Variants in DPYSL2 observed in about 807,000 individuals in gnomAD.
DPYSL2 encodes the protein dihydropyrimidinase like 2.
Under a neutral mutation model 69.9 loss-of-function variants are expected in DPYSL2, and 13 were observed. The observed-to-expected ratio is 0.19, with a 90% CI of 0.12 to 0.30. The LOEUF is 0.30. Among genes scored for constraint, DPYSL2 ranks in the 10% least tolerant of loss-of-function variants. DPYSL2 has a pLI of 1.00. For missense variants in DPYSL2, 587 were observed against 918.9 expected (o/e 0.64, Z 4.67); for synonymous variants, 326 against 359.1 (o/e 0.91, Z 1.04).
In DPYSL2 at chr8:26,514,799, C is replaced by A; in HGVS notation, c.354+120C>A. On this transcript the variant is annotated intron_variant, in intron 1 of 13. Coordinates refer to ENST00000521913, the MANE Select transcript of DPYSL2 (RefSeq NM_001197293.3). The surrounding 1 kb of genome is among the most constrained non-coding windows in gnomAD (Gnocchi z 8.4). ...CCCTGGACCTCGCCTCCCGCATCTGCACGCGCACCCCGCCCTACCCGCCCC... is the reference window on the plus strand; with the variant it reads ...CCCTGGACCTCGCCTCCCGCATCTGAACGCGCACCCCGCCCTACCCGCCCC... 1 of 904,538 alleles carries A rather than the reference C, an allele frequency of 1.1e-6. No homozygotes were observed. Among genetic ancestry groups the A allele is most frequent in the Non-Finnish European group, 1.5e-6 (1 of 653,266 alleles). The allele number at this position is 904,538 out of a possible 1,614,324, so 56.0% of individuals were successfully genotyped here.
rs577291649 is a variant in DPYSL2, at chr8:26,571,082, T to G, written c.355-10887T>G. Among the ~76,000 whole-genome samples, 5 of 152,332 alleles carry G rather than the reference T, an allele frequency of 3.3e-5. No homozygotes were observed. In the East Asian group the frequency reaches 9.6e-4, roughly 29 times the overall value. On this transcript the variant is annotated intron_variant, in intron 1 of 13. Coordinates refer to ENST00000521913, the MANE Select transcript of DPYSL2 (RefSeq NM_001197293.3). This position sits in a 1 kb window ranked among gnomAD's most constrained non-coding sequence, Gnocchi z 6.1. ...TACCACTCTTTCATAATGTTCCCCC[T>G]GGACAAAGAGCAGACCAGTGATGCC...
rs113220440 is a variant in DPYSL2 at position 26,597,726 on chromosome 8, G to A, written c.628+13743G>A. Among the ~76,000 whole-genome samples the A allele has an allele frequency of 0.015, 2,331 of 151,118 alleles. 28 individuals are homozygous for A. Among genetic ancestry groups the A allele is most frequent in the Middle Eastern group, 0.07 (20 of 286 alleles). On this transcript the variant is annotated intron_variant, in intron 3 of 13. Coordinates refer to ENST00000521913, the MANE Select transcript of DPYSL2 (RefSeq NM_001197293.3). The surrounding 1 kb of genome is among the most constrained non-coding windows in gnomAD (Gnocchi z 5.2). ...CCTGACCTTGTGATCCACCCGCCTC[G>A]GCCTCCCAAAGTGCTGGGATTACAG...
rs1017213931 is a variant in DPYSL2 at position 26,653,307 on chromosome 8, G to A, written c.1852G>A (p.Val618Ile). ...VCEVSVTPKT[V>I]TPASSAKTSP... The stretch of plus-strand genomic sequence containing the variant: ...TGAAGTGTCTGTGACGCCCAAGACA[G>A]TCACTCCAGCCTCCTCGGCCAAGAC... The change falls in exon 13 of 14, where the codon GTC (valine) becomes ATC (isoleucine). Residue 618 changes from valine to isoleucine, a missense_variant. Val to Ile is a conservative substitution (Grantham distance 29). Around this residue, in one of 3 missense-constraint regions of DPYSL2, gnomAD observed 452 missense variants for 754.3 expected, o/e 0.60. Transcript: ENST00000521913. This position sits in a 1 kb window ranked among gnomAD's most constrained non-coding sequence, Gnocchi z 5.7. The A allele has an allele frequency of 2.4e-5, 39 of 1,614,160 alleles. No individual in the cohort carries two copies. The highest frequency in any genetic ancestry group is 1.6e-4 in the Middle Eastern group (1 of 6,062).
rs1196659587 is a variant in DPYSL2 at position 26,642,168 on chromosome 8, T to C, written c.1127-1271T>C. ...ATAACATATTAGACCATTTAATCAA[T>C]TTAACACACGTTTTTGGAGTGCCTA... On this transcript the variant is annotated intron_variant, in intron 8 of 13. Transcript: ENST00000521913. The surrounding 1 kb of genome is among the most constrained non-coding windows in gnomAD (Gnocchi z 5.3). Among the ~76,000 whole-genome samples, 2 of 152,204 alleles carry C rather than the reference T, an allele frequency of 1.3e-5. No homozygotes were observed. The highest frequency in any genetic ancestry group is 4.8e-5 in the African/African-American group (2 of 41,446).
intron 1 of DPYSL2, among the ~76,000 whole-genome samples, chr8:26,557,378 G>A (rs1204723999): frequency 6.6e-6 from 1 of 151,956 alleles, no homozygotes; most frequent in East Asian, 1.9e-4. Flanking sequence ...CAATAGAAAA[G>A]TGGGCCAAAG....
chr8:26,646,007 A>G (rs1404522016), intron 10 of DPYSL2, among the ~76,000 whole-genome samples: 2 of 152,078 alleles, frequency 1.3e-5, no homozygotes, highest in Non-Finnish European at 2.9e-5. Context: ...CTGGGATTAC[A>G]GGTGCCTGCC....
chr8:26,627,997 C>T lies in DPYSL2; in HGVS notation c.1005+57C>T. The T allele has an allele frequency of 6.5e-7, 1 of 1,539,422 alleles. No homozygotes were observed. Among genetic ancestry groups the T allele is most frequent in the South Asian group, 1.2e-5 (1 of 85,978 alleles). Reference sequence around the variant, plus strand: ...AGTGTCCCTTGGGCACTGTGCAGAGCCTCAGGGAACCTGCTTCCTGCCTGT... The same window carrying T: ...AGTGTCCCTTGGGCACTGTGCAGAGTCTCAGGGAACCTGCTTCCTGCCTGT... On this transcript the variant is annotated intron_variant, in intron 7 of 13. Coordinates refer to ENST00000521913, the MANE Select transcript of DPYSL2 (RefSeq NM_001197293.3). This position sits in a 1 kb window ranked among gnomAD's most constrained non-coding sequence, Gnocchi z 6.9.
In DPYSL2 at chr8:26,634,428, C is replaced by CTTTTTTT. The variant is rs55746168; in HGVS notation, c.1006-337_1006-331dup. On this transcript the variant is annotated intron_variant, in intron 7 of 13. Coordinates refer to ENST00000521913, the MANE Select transcript of DPYSL2 (RefSeq NM_001197293.3). ...TACAGTCACCTGCTGCCATGCCCAG[C>CTTTTTTT]TTTTTTTTTTTTTTTTTTTTTAATT... 1.3e-4 allele frequency among the ~76,000 whole-genome samples: 12 copies of CTTTTTTT among 91,162 alleles called. 2 individuals carry two copies. Among genetic ancestry groups the CTTTTTTT allele is most frequent in the Non-Finnish European group, 1.7e-4 (8 of 47,344 alleles). 59.8% of individuals were successfully genotyped at this position (91,162 alleles called of 152,430 possible).
intron 1 of DPYSL2, chr8:26,548,281 A>G (rs1016985511): frequency 4.6e-6 from 1 of 219,506 alleles, no homozygotes; most frequent in South Asian, 6.9e-5. Flanking sequence ...TGAGGCACCT[A>G]TGGGGAGATC....
rs980408992 is a variant in DPYSL2, at chr8:26,647,349, A to G, written c.1426-281A>G. ...GCAGGTCTAGTCCAGCATTTCAGAG[A>G]CCAACCTCTTGCTGCTCCTCCCCTC... On this transcript the variant is annotated intron_variant, in intron 10 of 13. Transcript: ENST00000521913. This position sits in a 1 kb window ranked among gnomAD's most constrained non-coding sequence, Gnocchi z 5.1. Among the ~76,000 whole-genome samples, 2 of 152,150 alleles carry G rather than the reference A, an allele frequency of 1.3e-5. No homozygotes were observed. Among genetic ancestry groups the G allele is most frequent in the African/African-American group, 2.4e-5 (1 of 41,428 alleles).
rs1220492593 is a variant in DPYSL2 at position 26,627,160 on chromosome 8, G to T, written c.856-55G>T. 2 of 1,527,110 alleles carry T rather than the reference G, an allele frequency of 1.3e-6. No individual in the cohort carries two copies. Among genetic ancestry groups the T allele is most frequent in the Non-Finnish European group, 1.8e-6 (2 of 1,101,616 alleles). 94.6% of individuals were successfully genotyped at this position (1,527,110 alleles called of 1,614,324 possible). A position where few individuals can be genotyped will look rare whatever the true frequency, so the allele number is the denominator to read the frequency against. On this transcript the variant is annotated intron_variant, in intron 5 of 13. Coordinates refer to ENST00000521913, the MANE Select transcript of DPYSL2 (RefSeq NM_001197293.3). This position sits in a 1 kb window ranked among gnomAD's most constrained non-coding sequence, Gnocchi z 6.9. ...CTCTGGTGGGGAGATGATTGTCTTT[G>T]TGAACAGGAAGATGGAAGTCCCTGT...
rs1800544197 is a variant in DPYSL2 at position 26,533,542 on chromosome 8, T to A, written c.354+18863T>A. On this transcript the variant is annotated intron_variant, in intron 1 of 13. Transcript: ENST00000521913. The surrounding 1 kb of genome is among the most constrained non-coding windows in gnomAD (Gnocchi z 4.8). ...GATCCATTTTGAGTTAATTTTTCTATGTGGTATGAGACAGGGGTCTAACTT... is the reference window on the plus strand; with the variant it reads ...GATCCATTTTGAGTTAATTTTTCTAAGTGGTATGAGACAGGGGTCTAACTT... 6.6e-6 allele frequency among the ~76,000 whole-genome samples: 1 copy of A among 152,234 alleles called. No homozygotes were observed. Among genetic ancestry groups the A allele is most frequent in the South Asian group, 2.1e-4 (1 of 4,830 alleles).
At position 26,647,591 on chromosome 8, in the gene DPYSL2, C is replaced by T. The variant is rs980523866; in HGVS notation, c.1426-39C>T. On this transcript the variant is annotated intron_variant, in intron 10 of 13. Transcript: ENST00000521913. This position sits in a 1 kb window ranked among gnomAD's most constrained non-coding sequence, Gnocchi z 5.1. ...AAAGTAACTTTTTAACTCGTTTCTG[C>T]TGTGTGCCTCCTGTGCACACCTATG... is the stretch of plus-strand genomic sequence containing the variant. 1.3e-6 allele frequency: 2 copies of T among 1,557,822 alleles called. No homozygotes were observed. The highest frequency in any genetic ancestry group is 2.0e-5 in the Admixed American group (1 of 49,780).
At position 26,591,031 on chromosome 8, in the gene DPYSL2, C is replaced by G. The variant is rs1235495543; in HGVS notation, c.628+7048C>G. ...ATACTGTCCCAGGGTTTCTTGCCCC[C>G]ACCTGGCCCTGGGAGCTGGCAGTTA... On this transcript the variant is annotated intron_variant, in intron 3 of 13. Coordinates refer to ENST00000521913, the MANE Select transcript of DPYSL2 (RefSeq NM_001197293.3). This position sits in a 1 kb window ranked among gnomAD's most constrained non-coding sequence, Gnocchi z 5.8. 2.0e-5 allele frequency among the ~76,000 whole-genome samples: 3 copies of G among 152,208 alleles called. No individual in the cohort carries two copies. The highest frequency in any genetic ancestry group is 4.4e-5 in the Non-Finnish European group (3 of 68,042).
chr8:26,537,633 C>CACACACACACACACACACA (rs767431643), intron 1 of DPYSL2, among the ~76,000 whole-genome samples: 1 of 151,830 alleles, frequency 6.6e-6, no homozygotes, highest in Admixed American at 6.6e-5. Context: ...CACACACACA[C>CACACACACACACACACACA]AACTGTATAT....
Position 26,602,923 on chromosome 8 carries a change from C to T in DPYSL2, c.628+18940C>T, listed in dbSNP as rs1011373437. 1.2e-4 allele frequency among the ~76,000 whole-genome samples: 18 copies of T among 152,296 alleles called. No individual in the cohort carries two copies. The South Asian group carries it at 3.1e-3, about 26-fold the overall frequency. ...GCCAATAGGTCCTATGTGAGCTGAC[C>T]CTTGAAAGCCGGCTCAAATTTTACC... is the stretch of plus-strand genomic sequence containing the variant. On this transcript the variant is annotated intron_variant, in intron 3 of 13. Transcript: ENST00000521913.
intron 1 of DPYSL2, among the ~76,000 whole-genome samples, chr8:26,549,987 G>A (rs375660955): frequency 8.5e-5 from 13 of 152,134 alleles, no homozygotes; most frequent in African/African-American, 2.7e-4. Flanking sequence ...GAGTGTTAGA[G>A]AGAAATAAAT....
At position 26,583,981 on chromosome 8, in the gene DPYSL2, T is replaced by C. The variant is rs781142318; in HGVS notation, c.626T>C (p.Ile209Thr). ...KAALAGGTTM[I>T]IDHVVPEPGT... is the part of the protein sequence containing the mutation. ...GCCCTGGCTGGGGGAACCACTATGA[T>C]CAGTAAGAAGCTTAAAAATCATCAT... The change falls in exon 3 of 14, where the codon ATC becomes ACC. Residue 209 changes from isoleucine (I) to threonine (T), a missense_variant and splice_region_variant. Transcript: ENST00000521913. 1 of 1,613,338 alleles carries C rather than the reference T, an allele frequency of 6.2e-7. No homozygotes were observed. The highest frequency in any genetic ancestry group is 2.2e-5 in the East Asian group (1 of 44,848).
intron 1 of DPYSL2, among the ~76,000 whole-genome samples, chr8:26,531,973 G>T (rs1800516557): frequency 6.6e-6 from 1 of 152,068 alleles, no homozygotes; most frequent in African/African-American, 2.4e-5. Flanking sequence ...CAGGTGGTTT[G>T]CCAGGGATAT....
Sources: allele counts gnomAD v4.1 joint callset (sites outside exome capture counted in the v4.1 genomes callset), GRCh38; gene constraint gnomAD v4.1.1; regional missense constraint gnomAD v4.1.1; non-coding constraint Gnocchi (gnomAD v3.1); transcripts MANE v1.5; gene names NCBI Gene and HGNC (gene_info 2026-07-23, HGNC 2026-07-21).